Variants in ETS1 observed in about 807,000 individuals in gnomAD.
ETS1 encodes protein C-ets-1.
Under a neutral mutation model 58.6 loss-of-function variants are expected in ETS1, and 15 were observed. The observed-to-expected ratio is 0.26, with a 90% CI of 0.17 to 0.39. The LOEUF is 0.39. Among genes scored for constraint, ETS1 ranks in the 10% least tolerant of loss-of-function variants. ETS1 has a pLI of 1.00. For synonymous variants in ETS1, 214 were observed against 218.2 expected (o/e 0.98, Z 0.17); for missense variants, 417 against 610.5 (o/e 0.68, Z 3.34).
Position 128,480,187 on chromosome 11 carries a change from C to T in ETS1, c.1123+4G>A, listed in dbSNP as rs768693175. On this transcript the variant is annotated splice_donor_region_variant and intron_variant, in intron 8 of 9. Transcript: ENST00000392668. ...GTTGGCCTAAGCAGCGGGAGGGCGC[C>T]TACCTGTGTAGCCAGCTAGGGCAGC... 6.2e-7 allele frequency: 1 copy of T among 1,613,594 alleles called. No homozygotes were observed. Among genetic ancestry groups the T allele is most frequent in the African/African-American group, 1.3e-5 (1 of 74,990 alleles).
intron 8 of ETS1, among the ~76,000 whole-genome samples, chr11:128,476,229 A>G (rs565504536): frequency 6.6e-6 from 1 of 152,350 alleles, no homozygotes; most frequent in African/African-American, 2.4e-5. Flanking sequence ...AATGAAGTTC[A>G]ATAAAGGTGA....
chr11:128,564,742 C>G (rs563047133), intron 2 of ETS1, among the ~76,000 whole-genome samples: 8 of 152,076 alleles, frequency 5.3e-5, no homozygotes, highest in Non-Finnish European at 8.8e-5. Flanking sequence ...TAGCATGAAG[C>G]CTTCAGAAGC....
At chr11:128,467,994 C>T (rs781714545) in intron 8 of ETS1, among the ~76,000 whole-genome samples, 9 of 152,166 alleles carry the variant, frequency 5.9e-5, no homozygotes, top group Non-Finnish European at 8.8e-5. Flanking sequence ...GAATTTCCTT[C>T]TACTGCTTTG....
intron 3 of ETS1, among the ~76,000 whole-genome samples, chr11:128,543,900 A>T (rs1864092533): frequency 6.6e-6 from 1 of 152,060 alleles, no homozygotes; most frequent in East Asian, 1.9e-4. Flanking sequence ...ATTTAATCTC[A>T]TTGTGTTCTT....
At chr11:128,485,193 T>G in intron 6 of ETS1, 122 bp from the exon 7 acceptor site, 1 of 839,678 alleles carries the variant, frequency 1.2e-6, no homozygotes, top group Non-Finnish European at 1.8e-6. Flanking sequence ...GAAAATACTT[T>G]AAATCAGAAA....
chr11:128,467,609 C>A (rs1365698078), intron 8 of ETS1, among the ~76,000 whole-genome samples: 1 of 152,130 alleles, frequency 6.6e-6, no homozygotes, highest in African/African-American at 2.4e-5. Flanking sequence ...GTCTCAGTGA[C>A]CTTTGTCCCC....
intron 3 of ETS1, among the ~76,000 whole-genome samples, chr11:128,495,637 T>C (rs1862918350): frequency 6.6e-6 from 1 of 152,158 alleles, no homozygotes; most frequent in Admixed American, 6.5e-5. Context: ...AAAGTAAAAG[T>C]AAACCAAGAA....
In ETS1 at chr11:128,480,387, G is replaced by C; in HGVS notation, c.927C>G (p.Thr309=). ...IESYDSCDRL[T]QSWSSQSSFN... is the part of the protein sequence containing the mutation. ...AAGATGACTGGCTGCTCCAGGACTG[G>C]GTGAGGCGATCACAACTATCGTAGC... Residue 309 remains threonine (T), a synonymous_variant, in exon 8 of 10, where the codon ACC becomes ACG. Coordinates refer to ENST00000392668, the MANE Select transcript of ETS1 (RefSeq NM_001143820.2). 1 of 1,614,078 alleles carries C rather than the reference G, an allele frequency of 6.2e-7. No individual in the cohort carries two copies. The highest frequency in any genetic ancestry group is 8.5e-7 in the Non-Finnish European group (1 of 1,179,986).
chr11:128,543,161 C>A (rs986305452), intron 3 of ETS1, among the ~76,000 whole-genome samples: 1 of 149,882 alleles, frequency 6.7e-6, no homozygotes, highest in African/African-American at 2.5e-5. Context: ...CCATTGCACT[C>A]CAGTCCTGGC....
chr11:128,486,016 T>A, intron 6 of ETS1, 53 bp downstream of exon 6: 1 of 1,060,096 alleles, frequency 9.4e-7, no homozygotes, highest in Non-Finnish European at 1.5e-6. Flanking sequence ...GAGATAGGGG[T>A]CTTTTCCTAG....
chr11:128,476,787 A>T (rs1354799584), intron 8 of ETS1, among the ~76,000 whole-genome samples: 1 of 152,282 alleles, frequency 6.6e-6, no homozygotes, highest in Non-Finnish European at 1.5e-5. Context: ...GAGCTTTCTG[A>T]TGGTATCAGT....
chr11:128,584,804 G>A (rs1012623521), intron 1 of ETS1, among the ~76,000 whole-genome samples: 1 of 150,586 alleles, frequency 6.6e-6, no homozygotes, highest in Non-Finnish European at 1.5e-5. Context: ...CATTAATTTT[G>A]CTCAAATGCT....
chr11:128,485,088 T>C lies in ETS1; in HGVS notation c.614-17A>G. On this transcript the variant is annotated splice_polypyrimidine_tract_variant and intron_variant, in intron 6 of 9. Transcript: ENST00000392668. ...TACCATAGCCTGGAAACAAAGGGTTTGCAAGTAAAGAGAGGAGAGATTTGT... is the reference window on the plus strand; with the variant it reads ...TACCATAGCCTGGAAACAAAGGGTTCGCAAGTAAAGAGAGGAGAGATTTGT... 2 of 1,604,854 alleles carry C rather than the reference T, an allele frequency of 1.2e-6. No homozygotes were observed. Among genetic ancestry groups the C allele is most frequent in the Non-Finnish European group, 1.7e-6 (2 of 1,173,244 alleles).
chr11:128,564,501 T>C (rs181264774), intron 2 of ETS1, among the ~76,000 whole-genome samples: 190 of 151,864 alleles, frequency 1.3e-3, no homozygotes, highest in African/African-American at 3.8e-3. Flanking sequence ...GCACACAAAG[T>C]CGGAGGTAGT....
At chr11:128,479,785 G>A (rs909739648) in intron 8 of ETS1, among the ~76,000 whole-genome samples, 3 of 152,044 alleles carry the variant, frequency 2.0e-5, no homozygotes, top group African/African-American at 4.8e-5. Flanking sequence ...CCATTCAGTT[G>A]TGCCTTTGAG....
At chr11:128,473,372 GTA>G (rs1367369801) in intron 8 of ETS1, among the ~76,000 whole-genome samples, 1 of 152,182 alleles carries the variant, frequency 6.6e-6, no homozygotes, top group Admixed American at 6.5e-5. Flanking sequence ...CTAGCTTCCT[GTA>G]TACCCAGCAC....
intron 6 of ETS1, 42 bp from the exon 7 acceptor site, chr11:128,485,113 T>C (rs763107750): frequency 1.8e-5 from 28 of 1,579,390 alleles, no homozygotes; most frequent in Non-Finnish European, 2.3e-5. Flanking sequence ...GAGAGATTTG[T>C]ACCTAAAATA....
intron 3 of ETS1, among the ~76,000 whole-genome samples, chr11:128,501,998 G>T (rs1402255466): frequency 6.6e-6 from 1 of 152,164 alleles, no homozygotes; most frequent in African/African-American, 2.4e-5. Context: ...AGAGAAAGGG[G>T]GTGGGGTGGA....
Position 128,463,485 on chromosome 11 carries a change from A to C in ETS1, c.1242+24T>G. 1.6e-6 allele frequency: 2 copies of C among 1,275,166 alleles called. No individual in the cohort carries two copies. Among genetic ancestry groups the C allele is most frequent in the Non-Finnish European group, 2.3e-6 (2 of 870,970 alleles). 79.0% of individuals were successfully genotyped at this position (1,275,166 alleles called of 1,614,324 possible). A position where few individuals can be genotyped will look rare whatever the true frequency, so the allele number is the denominator to read the frequency against. ...TTCTCTCATCCTTCCTCAACACAGT[A>C]CTCGCAAGCCCCTCCTTCCTTACCT... is the stretch of plus-strand genomic sequence containing the variant. On this transcript the variant is annotated intron_variant, in intron 9 of 9. Coordinates refer to ENST00000392668, the MANE Select transcript of ETS1 (RefSeq NM_001143820.2). This position sits in a 1 kb window ranked among gnomAD's most constrained non-coding sequence, Gnocchi z 4.1.
Sources: gnomAD v4.1 joint callset for allele counts (sites outside exome capture counted in the v4.1 genomes callset) on GRCh38, gnomAD v4.1.1 for gene constraint, Gnocchi (gnomAD v3.1) non-coding constraint, MANE v1.5 for transcripts, NCBI Gene and HGNC (gene_info 2026-07-23, HGNC 2026-07-21) for gene names.